The following ANXA13 variants were observed in gnomAD, a reference collection of about 807,000 sequenced individuals.
ANXA13 encodes annexin A13.
ANXA13 carries 36 observed loss-of-function variants against 46.6 expected under a neutral mutation model. The observed-to-expected ratio is 0.77, with a 90% confidence interval of 0.59 to 1.02. The LOEUF (loss-of-function observed/expected upper bound fraction) is 1.02. ANXA13 is among the 50% of genes least tolerant of loss of function. The pLI is 0.00. For synonymous variants in ANXA13, 163 were observed against 152.9 expected (o/e 1.07, Z -0.49); for missense variants, 417 against 396.5 (o/e 1.05, Z -0.44).
At chr8:123,718,178 A>C (rs1245734364) in intron 1 of ANXA13, among the ~76,000 whole-genome samples, 1 of 152,266 alleles carries the variant, frequency 6.6e-6, no homozygotes, top group Non-Finnish European at 1.5e-5. Flanking sequence ...CAAGCATCTA[A>C]AACAAGCCTG....
chr8:123,688,367 C>T (rs577412638), intron 9 of ANXA13, among the ~76,000 whole-genome samples: 4 of 152,308 alleles, frequency 2.6e-5, no homozygotes, highest in South Asian at 2.1e-4. Context: ...TCCCCAGGCA[C>T]GTGGAACTGT....
intron 1 of ANXA13, among the ~76,000 whole-genome samples, chr8:123,718,487 G>T (rs997656767): frequency 2.0e-5 from 3 of 152,186 alleles, no homozygotes; most frequent in Non-Finnish European, 4.4e-5. Flanking sequence ...CATGGGGTGT[G>T]AGACTCTCCC....
At chr8:123,717,969 G>A (rs975770919) in intron 1 of ANXA13, among the ~76,000 whole-genome samples, 6 of 152,262 alleles carry the variant, frequency 3.9e-5, no homozygotes, top group Admixed American at 3.9e-4. Flanking sequence ...CTCACGCCCA[G>A]ACTCGCACCC....
intron 3 of ANXA13, among the ~76,000 whole-genome samples, chr8:123,701,630 C>T (rs760452564): frequency 6.6e-6 from 1 of 152,176 alleles, no homozygotes; most frequent in Non-Finnish European, 1.5e-5. Flanking sequence ...AAAAGCACAG[C>T]CATTTGGGCC....
At chr8:123,718,665 A>G (rs1813803624) in intron 1 of ANXA13, among the ~76,000 whole-genome samples, 1 of 152,176 alleles carries the variant, frequency 6.6e-6, no homozygotes, top group African/African-American at 2.4e-5. Flanking sequence ...GTAGGTCTAC[A>G]TGTCCTTCTC....
intron 1 of ANXA13, among the ~76,000 whole-genome samples, chr8:123,731,887 A>C (rs1172583143): frequency 6.6e-6 from 1 of 152,122 alleles, no homozygotes; most frequent in East Asian, 1.9e-4. Context: ...AACACAAAAC[A>C]AAAACAAAAA....
At position 123,712,631 on chromosome 8, in the gene ANXA13, G is replaced by C. The variant is rs773361407; in HGVS notation, c.91+47C>G. ...ATGGGGAAGTTGGACATGAGACCAA[G>C]TTTAATCAACTTCAGAAGCAAATTA... On this transcript the variant is annotated intron_variant, in intron 2 of 10. Transcript: ENST00000419625. 12 of 1,554,766 alleles carry C rather than the reference G, an allele frequency of 7.7e-6. No individual in the cohort carries two copies. The East Asian group carries it at 2.7e-4, about 35-fold the overall frequency.
At chr8:123,713,130 G>A (rs1813692397) in intron 1 of ANXA13, among the ~76,000 whole-genome samples, 1 of 152,222 alleles carries the variant, frequency 6.6e-6, no homozygotes, top group African/African-American at 2.4e-5. Flanking sequence ...ATGAGACACA[G>A]CTATGTCTAA....
At chr8:123,708,660 A>G (rs1813593623) in intron 2 of ANXA13, among the ~76,000 whole-genome samples, 1 of 152,156 alleles carries the variant, frequency 6.6e-6, no homozygotes, top group Non-Finnish European at 1.5e-5. Context: ...CAGTTTCCGG[A>G]GGGGAGGCTG....
chr8:123,712,468 C>T lies in ANXA13; in HGVS notation c.91+210G>A. ...AATTAAACGTCACAATATCCAACTC[C>T]TAGCTGTTATATAGAATCCTGAAAA... On this transcript the variant is annotated intron_variant, in intron 2 of 10. Transcript: ENST00000419625. 3 of 584,906 alleles carry T rather than the reference C, an allele frequency of 5.1e-6. No individual in the cohort carries two copies. In the South Asian group the frequency reaches 6.1e-5, roughly 12 times the overall value. 36.2% of individuals were successfully genotyped at this position (584,906 alleles called of 1,614,324 possible).
intron 1 of ANXA13, among the ~76,000 whole-genome samples, chr8:123,719,413 C>T (rs1813819762): frequency 6.6e-6 from 1 of 152,194 alleles, no homozygotes; most frequent in African/African-American, 2.4e-5. Flanking sequence ...ATGTTAAGCA[C>T]TACCCCAGTT....
intron 1 of ANXA13, among the ~76,000 whole-genome samples, chr8:123,730,886 G>A (rs1586343287): frequency 6.6e-6 from 1 of 152,270 alleles, no homozygotes; most frequent in East Asian, 1.9e-4. Context: ...CAGAATGGGG[G>A]AGTTCTCCGG....
Position 123,702,727 on chromosome 8 carries a change from T to C in ANXA13, c.101A>G (p.Glu34Gly). The C allele has an allele frequency of 6.2e-7, 1 of 1,613,958 alleles. No homozygotes were observed. The highest frequency in any genetic ancestry group is 8.5e-7 in the Non-Finnish European group (1 of 1,179,878). Residue 34 changes from glutamate to glycine, a missense_variant, in exon 3 of 11, where the codon GAA becomes GGA. Physicochemically the swap from Glu to Gly is moderately conservative, Grantham distance 98. Transcript: ENST00000419625. ...NKACKGMGTN[E>G]AAIIEILSGR... ...CGATAAGATTTCAATGATGGCTGCT[T>C]CATTGGTCCCTAAAATACAGGAGAA... is the stretch of plus-strand genomic sequence containing the variant.
intron 10 of ANXA13, among the ~76,000 whole-genome samples, chr8:123,682,943 C>CA (rs1813065507): frequency 6.6e-6 from 1 of 152,206 alleles, no homozygotes; most frequent in African/African-American, 2.4e-5. Flanking sequence ...GGAACCCTCA[C>CA]AAGCCCTTCG....
intron 1 of ANXA13, chr8:123,735,837 G>C: frequency 5.6e-6 from 9 of 1,612,296 alleles, no homozygotes; most frequent in Non-Finnish European, 7.6e-6. Flanking sequence ...GTCCCCTTTA[G>C]GCAACTGTTG....
chr8:123,717,662 G>GCAGT (rs1445928107), intron 1 of ANXA13, among the ~76,000 whole-genome samples: 1 of 152,212 alleles, frequency 6.6e-6, no homozygotes, highest in African/African-American at 2.4e-5. Context: ...TTGAGTCCCA[G>GCAGT]CACAACTGCT....
chr8:123,721,902 T>C (rs1813880278), intron 1 of ANXA13, among the ~76,000 whole-genome samples: 1 of 152,168 alleles, frequency 6.6e-6, no homozygotes, highest in Non-Finnish European at 1.5e-5. Flanking sequence ...TATGATGAGA[T>C]AGGGATTCAA....
intron 1 of ANXA13, among the ~76,000 whole-genome samples, chr8:123,717,972 T>G (rs950394530): frequency 6.6e-6 from 1 of 152,252 alleles, no homozygotes; most frequent in African/African-American, 2.4e-5. Context: ...ACGCCCAGAC[T>G]CGCACCCAGG....
intron 1 of ANXA13, among the ~76,000 whole-genome samples, chr8:123,723,448 T>C (rs1813924396): frequency 1.3e-5 from 2 of 152,340 alleles, no homozygotes; most frequent in South Asian, 4.1e-4. Context: ...TTCCCTGGAA[T>C]GTGGGTCTTT....
Sources: gnomAD v4.1 joint callset for allele counts (sites outside exome capture counted in the v4.1 genomes callset) on GRCh38, gnomAD v4.1.1 for gene constraint, MANE v1.5 for transcripts, NCBI Gene and HGNC (gene_info 2026-07-23, HGNC 2026-07-21) for gene names.